NOL4: variants seen among roughly 807,000 people sequenced by gnomAD.
The protein encoded by NOL4 is cancer/testis antigen 125.
NOL4 carries 17 observed loss-of-function variants against 75.9 expected under a neutral mutation model. The observed-to-expected ratio is 0.22, with a 90% CI of 0.15 to 0.34. NOL4 has a LOEUF of 0.34. NOL4 is among the 10% of genes least tolerant of loss of function. The pLI is 1.00. For missense variants in NOL4, 614 were observed against 793.5 expected, an observed-to-expected ratio of 0.77 and a Z score of 2.72; for synonymous variants, 292 against 289.9, an observed-to-expected ratio of 1.01 and a Z score of -0.07.
At chr18:34,147,725 C>T (rs181097024) in intron 1 of NOL4, among the ~76,000 whole-genome samples, 2 of 152,178 alleles carry the variant, frequency 1.3e-5, no homozygotes, top group East Asian at 3.9e-4. Flanking sequence ...ATGATGCTGG[C>T]CTCATAAAAT....
At chr18:33,956,612 T>C (rs1327260938) in intron 8 of NOL4, among the ~76,000 whole-genome samples, 2 of 152,150 alleles carry the variant, frequency 1.3e-5, no homozygotes, top group Admixed American at 1.3e-4. Flanking sequence ...AATGTGTGCG[T>C]TATTTCTAGA....
At chr18:34,162,622 G>A (rs540678410) in intron 1 of NOL4, among the ~76,000 whole-genome samples, 3 of 152,280 alleles carry the variant, frequency 2.0e-5, no homozygotes, top group South Asian at 4.2e-4. Context: ...AAAGAGTCCA[G>A]GACCAGATGG....
chr18:34,006,482 A>G (rs2074034619), intron 6 of NOL4, among the ~76,000 whole-genome samples: 1 of 152,070 alleles, frequency 6.6e-6, no homozygotes, highest in Non-Finnish European at 1.5e-5. Flanking sequence ...CTAGATGTAG[A>G]GTCATCCCCT....
At chr18:33,944,973 C>G (rs1278744082) in intron 8 of NOL4, among the ~76,000 whole-genome samples, 1 of 151,810 alleles carries the variant, frequency 6.6e-6, no homozygotes, top group East Asian at 1.9e-4. Flanking sequence ...TCATTGATAT[C>G]TTTCTTGATT....
At chr18:33,936,339 G>A (rs918504442) in intron 9 of NOL4, among the ~76,000 whole-genome samples, 2 of 149,822 alleles carry the variant, frequency 1.3e-5, no homozygotes, top group African/African-American at 4.9e-5. Flanking sequence ...CAGTTGCAAG[G>A]AATTATACAG....
At chr18:33,891,239 C>A (rs371808960) in intron 9 of NOL4, among the ~76,000 whole-genome samples, 6 of 151,970 alleles carry the variant, frequency 3.9e-5, no homozygotes, top group African/African-American at 1.4e-4. Flanking sequence ...TGATTTCAAG[C>A]TGATGTCCAT....
At chr18:33,979,772 A>T (rs560939243) in intron 6 of NOL4, among the ~76,000 whole-genome samples, 190 of 152,070 alleles carry the variant, frequency 1.2e-3, no homozygotes, top group Non-Finnish European at 2.3e-3. Flanking sequence ...TTTGCCAAAA[A>T]ATTAGTTTGC....
chr18:33,947,476 A>G (rs1231089343), intron 8 of NOL4, among the ~76,000 whole-genome samples: 1 of 151,814 alleles, frequency 6.6e-6, no homozygotes, highest in East Asian at 1.9e-4. Flanking sequence ...TGCAAAAACC[A>G]AATGCAATAA....
intron 8 of NOL4, among the ~76,000 whole-genome samples, chr18:33,955,104 CAT>C (rs1175060353): frequency 6.6e-6 from 1 of 151,976 alleles, no homozygotes; most frequent in Non-Finnish European, 1.5e-5. Context: ...AAGAGAAACA[CAT>C]AGTTATACTC....
At chr18:34,096,777 T>C (rs1488628057) in intron 4 of NOL4, among the ~76,000 whole-genome samples, 1 of 152,174 alleles carries the variant, frequency 6.6e-6, no homozygotes, top group Non-Finnish European at 1.5e-5. Flanking sequence ...ATTAGAACAA[T>C]TTAACTGTAA....
At chr18:34,058,212 C>T (rs1221448108) in intron 5 of NOL4, among the ~76,000 whole-genome samples, 1 of 152,174 alleles carries the variant, frequency 6.6e-6, no homozygotes, top group African/African-American at 2.4e-5. Context: ...CGGCTCACTG[C>T]AAGCTCCGCC....
intron 6 of NOL4, among the ~76,000 whole-genome samples, chr18:33,997,212 T>A (rs1393586359): frequency 6.6e-6 from 1 of 151,864 alleles, no homozygotes; most frequent in Non-Finnish European, 1.5e-5. Flanking sequence ...AGAATTTTAA[T>A]AGTTTGAGGT....
chr18:34,098,203 G>A (rs1164173520), intron 4 of NOL4, among the ~76,000 whole-genome samples: 1 of 152,080 alleles, frequency 6.6e-6, no homozygotes, highest in East Asian at 1.9e-4. Flanking sequence ...GGCTGGTTTT[G>A]TTATTTGCTT....
At chr18:34,125,518 A>G (rs1600671000) in intron 2 of NOL4, among the ~76,000 whole-genome samples, 1 of 152,170 alleles carries the variant, frequency 6.6e-6, no homozygotes, top group South Asian at 2.1e-4. Context: ...AACTGGTGCA[A>G]GTTAGAATAT....
At chr18:33,921,310 T>G (rs1196290987) in intron 9 of NOL4, among the ~76,000 whole-genome samples, 1 of 152,106 alleles carries the variant, frequency 6.6e-6, no homozygotes, top group East Asian at 1.9e-4. Flanking sequence ...CTGGATGAAT[T>G]AAGATTTCTG....
intron 10 of NOL4, among the ~76,000 whole-genome samples, chr18:33,865,672 C>T (rs998487075): frequency 2.6e-5 from 4 of 152,108 alleles, no homozygotes; most frequent in African/African-American, 9.7e-5. Flanking sequence ...TTGGAACCCT[C>T]CATCTTCAGA....
intron 5 of NOL4, among the ~76,000 whole-genome samples, chr18:34,085,091 G>A (rs956830971): frequency 3.3e-5 from 5 of 152,052 alleles, no homozygotes; most frequent in Non-Finnish European, 1.5e-5. Flanking sequence ...AAATGCAGGT[G>A]GTCTGATTCT....
intron 4 of NOL4, among the ~76,000 whole-genome samples, chr18:34,094,422 G>C (rs2078673705): frequency 6.6e-6 from 1 of 151,996 alleles, no homozygotes; most frequent in African/African-American, 2.4e-5. Context: ...AGGAGTTCTA[G>C]GTAAAATTGT....
chr18:34,009,669 C>T (rs960128603), intron 6 of NOL4, among the ~76,000 whole-genome samples: 3 of 151,818 alleles, frequency 2.0e-5, no homozygotes, highest in East Asian at 1.9e-4. Flanking sequence ...GCTTCCTGAT[C>T]GGGAAATAAT....
Sources: gnomAD v4.1 joint callset for allele counts (sites outside exome capture counted in the v4.1 genomes callset) on GRCh38, gnomAD v4.1.1 for gene constraint, MANE v1.5 for transcripts, NCBI Gene and HGNC (gene_info 2026-07-23, HGNC 2026-07-21) for gene names.